PLCL2: variants seen among roughly 807,000 people sequenced by gnomAD.
PLCL2 encodes the protein phospholipase C like 2, also known as inactive phospholipase C-like protein 2.
A neutral mutation model predicts 79.6 loss-of-function variants in PLCL2; 4 were observed. That is an observed-to-expected ratio of 0.05 (90% CI 0.02 to 0.11). The LOEUF (loss-of-function observed/expected upper bound fraction) is 0.11, where lower values mean the gene tolerates loss of function less well. Among genes scored for constraint, PLCL2 ranks in the 10% least tolerant of loss-of-function variants. The pLI is 1.00. For synonymous variants in PLCL2, 484 were observed against 457.7 expected (o/e 1.06, Z -0.73); for missense variants, 895 against 1,291.0 (o/e 0.69, Z 4.70).
At chr3:16,978,719 T>C (rs929688480) in intron 1 of PLCL2, among the ~76,000 whole-genome samples, 1 of 152,230 alleles carries the variant, frequency 6.6e-6, no homozygotes, top group Non-Finnish European at 1.5e-5. Flanking sequence ...ACTGGCATGC[T>C]CAGTTGCCAG....
chr3:17,066,603 T>G (rs2065013482), intron 4 of PLCL2, among the ~76,000 whole-genome samples: 1 of 152,222 alleles, frequency 6.6e-6, no homozygotes, highest in Non-Finnish European at 1.5e-5. Flanking sequence ...TTATATGTAA[T>G]AGCAAAAGTT....
rs372847529 is a variant in PLCL2 at position 16,937,758 on chromosome 3, AT to A, written c.327+52395del. On this transcript the variant is annotated intron_variant, in intron 1 of 5. Coordinates refer to ENST00000615277, the MANE Select transcript of PLCL2 (RefSeq NM_001144382.2). Reference sequence around the variant, plus strand: ...GTGTGTTTTCCTCGCATATGGTTGAATTTCCCCCTCCCTGTTGCCGATTTTA... The same window carrying A: ...GTGTGTTTTCCTCGCATATGGTTGAATTCCCCCTCCCTGTTGCCGATTTTA... 1.5e-3 allele frequency among the ~76,000 whole-genome samples: 232 copies of A among 152,240 alleles called. 1 individual carries two copies. The highest frequency in any genetic ancestry group is 4.2e-3 in the Admixed American group (65 of 15,298).
At chr3:17,078,640 A>C (rs1477601757) in intron 5 of PLCL2, among the ~76,000 whole-genome samples, 3 of 152,142 alleles carry the variant, frequency 2.0e-5, no homozygotes, top group African/African-American at 7.2e-5. Flanking sequence ...GGAACCTAAA[A>C]CTTCTGCCAA....
At chr3:17,066,119 AGT>A (rs1348247846) in intron 4 of PLCL2, among the ~76,000 whole-genome samples, 1 of 152,112 alleles carries the variant, frequency 6.6e-6, no homozygotes, top group African/African-American at 2.4e-5. Context: ...GAGTGGGGAA[AGT>A]GTGTGTGTGG....
chr3:16,982,464 A>G (rs914031824), intron 1 of PLCL2, among the ~76,000 whole-genome samples: 1 of 152,174 alleles, frequency 6.6e-6, no homozygotes, highest in African/African-American at 2.4e-5. Context: ...ACATTTATCA[A>G]ATCCCGTTAA....
chr3:17,025,337 T>G (rs947171508), intron 3 of PLCL2, among the ~76,000 whole-genome samples: 5 of 152,130 alleles, frequency 3.3e-5, no homozygotes, highest in Non-Finnish European at 7.4e-5. Context: ...ATGGAGAAAT[T>G]TGTCAGTGTT....
At chr3:17,080,947 T>C (rs2065156759) in intron 5 of PLCL2, among the ~76,000 whole-genome samples, 1 of 152,228 alleles carries the variant, frequency 6.6e-6, no homozygotes, top group Non-Finnish European at 1.5e-5. Flanking sequence ...CTCTCTATAG[T>C]TGTGGCCTCA....
intron 1 of PLCL2, among the ~76,000 whole-genome samples, chr3:16,921,683 CA>C (rs1327802552): frequency 6.6e-6 from 1 of 152,102 alleles, no homozygotes; most frequent in African/African-American, 2.4e-5. Flanking sequence ...TCTAAATTCC[CA>C]GAATATCACT....
chr3:16,983,187 TTG>T (rs1267434286), intron 1 of PLCL2, among the ~76,000 whole-genome samples: 5 of 152,186 alleles, frequency 3.3e-5, no homozygotes, highest in Admixed American at 2.0e-4. Flanking sequence ...AGGATGTGTT[TTG>T]TTTTCTTTAG....
chr3:16,908,605 T>TG (rs1205678666), intron 1 of PLCL2, among the ~76,000 whole-genome samples: 2 of 151,988 alleles, frequency 1.3e-5, no homozygotes. Flanking sequence ...ATCCACTGCT[T>TG]GGGGGAGGTG....
chr3:17,053,020 C>G (rs905567867), intron 4 of PLCL2, among the ~76,000 whole-genome samples: 2 of 152,086 alleles, frequency 1.3e-5, no homozygotes, highest in African/African-American at 4.8e-5. Context: ...AGTCAATGCC[C>G]CTAACACCCC....
chr3:17,020,735 A>G (rs1009265684), intron 3 of PLCL2, among the ~76,000 whole-genome samples: 2 of 152,212 alleles, frequency 1.3e-5, no homozygotes, highest in South Asian at 2.1e-4. Flanking sequence ...GTTGCTGAGT[A>G]GTCTCTTCTA....
intron 2 of PLCL2, among the ~76,000 whole-genome samples, chr3:17,012,530 G>A (rs2064338064): frequency 6.6e-6 from 1 of 152,124 alleles, no homozygotes; most frequent in African/African-American, 2.4e-5. Flanking sequence ...AAATAAAAAG[G>A]ATATAGGTCA....
intron 1 of PLCL2, among the ~76,000 whole-genome samples, chr3:16,928,400 A>G (rs1697308163): frequency 6.6e-6 from 1 of 152,226 alleles, no homozygotes; most frequent in South Asian, 2.1e-4. Flanking sequence ...GTGTATAATA[A>G]TTGAGGCAAG....
intron 1 of PLCL2, among the ~76,000 whole-genome samples, chr3:16,898,302 GC>G (rs1373255420): frequency 6.6e-6 from 1 of 151,624 alleles, no homozygotes; most frequent in African/African-American, 2.4e-5. Flanking sequence ...AAAATCTACA[GC>G]CTTTTTTTTT....
At chr3:17,060,599 G>A (rs1158416027) in intron 4 of PLCL2, among the ~76,000 whole-genome samples, 11 of 152,134 alleles carry the variant, frequency 7.2e-5, no homozygotes, top group Non-Finnish European at 1.0e-4. Context: ...TACAAAGGCT[G>A]TACATTTAAA....
intron 1 of PLCL2, among the ~76,000 whole-genome samples, chr3:16,964,839 T>A (rs2063789551): frequency 6.6e-6 from 1 of 152,234 alleles, no homozygotes; most frequent in Admixed American, 6.5e-5. Context: ...TGTCTGTTCA[T>A]GTCCTTTGCC....
chr3:16,990,306 G>A (rs2064092176), intron 1 of PLCL2, among the ~76,000 whole-genome samples: 1 of 152,218 alleles, frequency 6.6e-6, no homozygotes, highest in African/African-American at 2.4e-5. Context: ...GGCTGGTGCA[G>A]AAGACAGACC....
chr3:17,024,979 G>A (rs143131261), intron 3 of PLCL2, among the ~76,000 whole-genome samples: 6 of 152,240 alleles, frequency 3.9e-5, no homozygotes, highest in East Asian at 3.9e-4. Context: ...TGTGGGCCCC[G>A]TTTGAAACCC....
Sources: gnomAD v4.1 joint callset for allele counts (sites outside exome capture counted in the v4.1 genomes callset) on GRCh38, gnomAD v4.1.1 for gene constraint, MANE v1.5 for transcripts, NCBI Gene and HGNC (gene_info 2026-07-23, HGNC 2026-07-21) for gene names.